The following GALNTL6 variants were observed in gnomAD, a reference collection of about 807,000 sequenced individuals.
GALNTL6 encodes the protein polypeptide N-acetylgalactosaminyltransferase-like 6.
GALNTL6 carries 46 observed loss-of-function variants against 73.7 expected under a neutral mutation model. The observed-to-expected ratio is 0.62, with a 90% confidence interval of 0.49 to 0.80. The LOEUF is 0.80. Ranked by LOEUF, GALNTL6 falls within the 30% of genes least tolerant of loss-of-function variation. The pLI, the probability that GALNTL6 is intolerant of heterozygous loss-of-function variation, is 0.00. For missense variants in GALNTL6, 604 were observed against 755.0 expected (o/e 0.80, Z 2.34); for synonymous variants, 259 against 263.7 (o/e 0.98, Z 0.17).
At chr4:171,902,471 T>G (rs1047886896) in intron 2 of GALNTL6, among the ~76,000 whole-genome samples, 3 of 152,208 alleles carry the variant, frequency 2.0e-5, no homozygotes, top group Non-Finnish European at 4.4e-5. Flanking sequence ...ATTCAGTGAC[T>G]TCATCAAGGA....
At chr4:171,887,606 G>A (rs1019539889) in intron 2 of GALNTL6, among the ~76,000 whole-genome samples, 13 of 152,082 alleles carry the variant, frequency 8.5e-5, no homozygotes, top group African/African-American at 2.7e-4. Flanking sequence ...ATAAATGAAT[G>A]ATGGAGACAG....
chr4:171,922,988 T>C (rs561343900), intron 2 of GALNTL6, among the ~76,000 whole-genome samples: 55 of 152,168 alleles, frequency 3.6e-4, no homozygotes, highest in African/African-American at 1.2e-3. Context: ...ATTGCTAAAA[T>C]TACATAAATT....
chr4:172,670,474 T>C (rs1189650692), intron 5 of GALNTL6, among the ~76,000 whole-genome samples: 2 of 152,206 alleles, frequency 1.3e-5, no homozygotes, highest in African/African-American at 2.4e-5. Flanking sequence ...TCATGTTCTT[T>C]GTCCACTCTT....
chr4:172,774,351 G>C (rs1470474483), intron 5 of GALNTL6, among the ~76,000 whole-genome samples: 1 of 152,156 alleles, frequency 6.6e-6, no homozygotes, highest in Non-Finnish European at 1.5e-5. Flanking sequence ...CTATCCCTTT[G>C]ATTGGGGGGT....
intron 2 of GALNTL6, among the ~76,000 whole-genome samples, chr4:171,955,468 T>C (rs964294883): frequency 2.0e-5 from 3 of 152,018 alleles, no homozygotes; most frequent in African/African-American, 7.2e-5. Flanking sequence ...TGCCCTCTCA[T>C]GCATGCCAAA....
intron 5 of GALNTL6, among the ~76,000 whole-genome samples, chr4:172,753,564 C>T (rs1437790502): frequency 6.6e-6 from 1 of 151,990 alleles, no homozygotes; most frequent in South Asian, 2.1e-4. Context: ...GCAAGATTTC[C>T]CAATTTATTT....
chr4:172,885,509 T>A (rs1745673634), intron 8 of GALNTL6, among the ~76,000 whole-genome samples: 1 of 152,198 alleles, frequency 6.6e-6, no homozygotes, highest in Non-Finnish European at 1.5e-5. Context: ...TCTGCAAAGA[T>A]AATTTGACTT....
chr4:173,005,948 C>T (rs929231397), intron 10 of GALNTL6, among the ~76,000 whole-genome samples: 13 of 152,168 alleles, frequency 8.5e-5, no homozygotes, highest in Admixed American at 3.3e-4. Flanking sequence ...TCCATCCCTG[C>T]CAGAGGCCTT....
intron 5 of GALNTL6, among the ~76,000 whole-genome samples, chr4:172,356,599 T>C (rs1742170870): frequency 6.6e-6 from 1 of 152,210 alleles, no homozygotes; most frequent in South Asian, 2.1e-4. Context: ...CATCCATGTT[T>C]ATGAAATGTG....
chr4:172,144,887 T>C (rs927888537), intron 2 of GALNTL6, among the ~76,000 whole-genome samples: 1 of 152,184 alleles, frequency 6.6e-6, no homozygotes, highest in Non-Finnish European at 1.5e-5. Context: ...AAGTACACAA[T>C]TTTCATTTTG....
chr4:172,370,886 C>A (rs1406137179), intron 5 of GALNTL6, among the ~76,000 whole-genome samples: 2 of 152,144 alleles, frequency 1.3e-5, no homozygotes, highest in Non-Finnish European at 2.9e-5. Flanking sequence ...TTCTTGCAAA[C>A]TGTCTGAGAA....
rs1303488777 is a variant in GALNTL6 at position 171,879,651 on chromosome 4, T to TA, written c.138+64940dup. On this transcript the variant is annotated intron_variant, in intron 2 of 12. Coordinates refer to ENST00000506823, the MANE Select transcript of GALNTL6 (RefSeq NM_001034845.3). ...ATTTTAATAAATCATATTTCTTGTT[T>TA]AAAAAAATGTGCTTCACAGAACCCA... Among the ~76,000 whole-genome samples the TA allele has an allele frequency of 5.3e-5, 8 of 152,266 alleles. No individual in the cohort carries two copies. The East Asian group carries it at 1.5e-3, about 29-fold the overall frequency.
intron 4 of GALNTL6, among the ~76,000 whole-genome samples, chr4:172,331,258 TAAA>T (rs11311596): frequency 7.0e-6 from 1 of 142,612 alleles, no homozygotes; most frequent in African/African-American, 2.6e-5. Context: ...CAACATCTTG[TAAA>T]AAAAAAAAAA....
chr4:172,056,440 A>G (rs565643495), intron 2 of GALNTL6, among the ~76,000 whole-genome samples: 1 of 152,070 alleles, frequency 6.6e-6, no homozygotes, highest in Non-Finnish European at 1.5e-5. Context: ...TCCTGAGAAT[A>G]TTTCTATTTA....
At chr4:172,463,438 T>G (rs1352225919) in intron 5 of GALNTL6, among the ~76,000 whole-genome samples, 1 of 152,018 alleles carries the variant, frequency 6.6e-6, no homozygotes, top group Non-Finnish European at 1.5e-5. Flanking sequence ...TATATCGGTA[T>G]GTAGCCAGAA....
chr4:172,832,938 G>A (rs552579923), intron 7 of GALNTL6, among the ~76,000 whole-genome samples: 1 of 152,302 alleles, frequency 6.6e-6, no homozygotes, highest in East Asian at 1.9e-4. Flanking sequence ...GCTCCAGCTA[G>A]AAAAACGTGA....
intron 2 of GALNTL6, among the ~76,000 whole-genome samples, chr4:172,031,082 T>C (rs1021243009): frequency 6.6e-6 from 1 of 152,100 alleles, no homozygotes; most frequent in Non-Finnish European, 1.5e-5. Context: ...AAATGCCCTA[T>C]TGTCTTCCAA....
chr4:171,909,749 C>T (rs1413793559), intron 2 of GALNTL6, among the ~76,000 whole-genome samples: 2 of 152,094 alleles, frequency 1.3e-5, no homozygotes, highest in Non-Finnish European at 2.9e-5. Context: ...GCATTTATAA[C>T]TCCTTGTATT....
chr4:172,591,122 G>C (rs967152497), intron 5 of GALNTL6, among the ~76,000 whole-genome samples: 1 of 152,132 alleles, frequency 6.6e-6, no homozygotes, highest in African/African-American at 2.4e-5. Flanking sequence ...AAATTTTGCT[G>C]TAATAGCTTT....
Sources: gnomAD v4.1 joint callset for allele counts (sites outside exome capture counted in the v4.1 genomes callset) on GRCh38, gnomAD v4.1.1 for gene constraint, MANE v1.5 for transcripts, NCBI Gene and HGNC (gene_info 2026-07-23, HGNC 2026-07-21) for gene names.